Variants in PRKAR1B observed in about 807,000 individuals in gnomAD.
PRKAR1B encodes cAMP-dependent protein kinase type I-beta regulatory subunit.
In PRKAR1B, 22 loss-of-function variants were observed where a neutral mutation model predicts 46.5. That is an observed-to-expected ratio of 0.47 (90% CI 0.34 to 0.68). The LOEUF (loss-of-function observed/expected upper bound fraction) is 0.68. Ranked by LOEUF, PRKAR1B falls within the 30% of genes least tolerant of loss-of-function variation. The pLI is 0.01. For synonymous variants in PRKAR1B, 259 were observed against 217.7 expected, an observed-to-expected ratio of 1.19 and a Z score of -1.67; for missense variants, 445 against 535.6, an observed-to-expected ratio of 0.83 and a Z score of 1.67.
At chr7:703,442 C>T (rs1023464662) in intron 2 of PRKAR1B, among the ~76,000 whole-genome samples, 16 of 151,990 alleles carry the variant, frequency 1.1e-4, no homozygotes, top group African/African-American at 3.1e-4. Flanking sequence ...GTCAAGAGAT[C>T]GAGACCATCG....
At chr7:633,850 A>C (rs774429170) in intron 4 of PRKAR1B, among the ~76,000 whole-genome samples, 1 of 152,070 alleles carries the variant, frequency 6.6e-6, no homozygotes, top group African/African-American at 2.4e-5. Flanking sequence ...TAATCACGGG[A>C]AACAGGCAGA....
At chr7:654,603 T>A (rs1185378391) in intron 4 of PRKAR1B, among the ~76,000 whole-genome samples, 3 of 151,410 alleles carry the variant, frequency 2.0e-5, no homozygotes, top group Non-Finnish European at 4.4e-5. Flanking sequence ...ACCTTCACCA[T>A]CACCATCATC....
At chr7:613,970 C>A (rs1049119189) in intron 4 of PRKAR1B, among the ~76,000 whole-genome samples, 1 of 152,230 alleles carries the variant, frequency 6.6e-6, no homozygotes, top group Non-Finnish European at 1.5e-5. Flanking sequence ...TGCCACCAAG[C>A]GGGTGGGAGA....
intron 4 of PRKAR1B, among the ~76,000 whole-genome samples, chr7:669,379 T>C (rs1009499169): frequency 4.6e-5 from 7 of 152,236 alleles, no homozygotes; most frequent in Admixed American, 4.6e-4. Context: ...GGGGCTTCCA[T>C]TTGGAATGAT....
chr7:633,821 A>T (rs1197483866), intron 4 of PRKAR1B, among the ~76,000 whole-genome samples: 1 of 152,098 alleles, frequency 6.6e-6, no homozygotes, highest in South Asian at 2.1e-4. Flanking sequence ...CTTCCCAGCA[A>T]AAGTAAGGAG....
At chr7:552,405 C>T (rs13238357) in intron 9 of PRKAR1B, among the ~76,000 whole-genome samples, 16 of 123,442 alleles carry the variant, frequency 1.3e-4, no homozygotes, top group East Asian at 3.1e-4. Context: ...GCCACTGCCA[C>T]CACCACGTCA....
intron 2 of PRKAR1B, among the ~76,000 whole-genome samples, chr7:693,186 C>T (rs542621707): frequency 7.3e-5 from 11 of 151,224 alleles, no homozygotes; most frequent in East Asian, 1.9e-4. Context: ...CCTCCTGCCT[C>T]GGCCTCCCAA....
Position 550,015 on chromosome 7 carries a change from A to C in PRKAR1B, c.*415T>G. ...AGCCCCTTTTGACACACTTGCCCAC[A>C]CTCAGACCTCAATCTGGGGGACCTG... On this transcript the variant is annotated 3_prime_UTR_variant, in exon 11 of 11. Coordinates refer to ENST00000537384, the MANE Select transcript of PRKAR1B (RefSeq NM_001164760.2). The C allele has an allele frequency of 5.4e-6, 1 of 186,478 alleles. No individual in the cohort carries two copies. The highest frequency in any genetic ancestry group is 1.1e-5 in the Non-Finnish European group (1 of 89,452). The allele number at this position is 186,478 out of a possible 1,614,324, so 11.6% of individuals were successfully genotyped here.
At chr7:642,031 A>G (rs1267169799) in intron 4 of PRKAR1B, among the ~76,000 whole-genome samples, 2 of 151,894 alleles carry the variant, frequency 1.3e-5, no homozygotes, top group Non-Finnish European at 2.9e-5. Context: ...CTCCTCCCCA[A>G]GTGGCTGGGA....
intron 4 of PRKAR1B, among the ~76,000 whole-genome samples, chr7:646,556 G>T (rs1018472823): frequency 1.3e-5 from 2 of 152,216 alleles, no homozygotes; most frequent in Non-Finnish European, 2.9e-5. Flanking sequence ...AAAGAAGAGC[G>T]GAGCTCGTTT....
intron 4 of PRKAR1B, among the ~76,000 whole-genome samples, chr7:623,039 C>T (rs929272658): frequency 1.3e-5 from 2 of 152,182 alleles, no homozygotes; most frequent in Admixed American, 1.3e-4. Flanking sequence ...CATCACGGTC[C>T]TATCTCTTCT....
intron 4 of PRKAR1B, among the ~76,000 whole-genome samples, chr7:656,810 T>C (rs1193483083): frequency 7.2e-5 from 11 of 152,138 alleles, no homozygotes; most frequent in Admixed American, 6.5e-4. Flanking sequence ...AATGTGTGGA[T>C]AGATGAATGA....
intron 7 of PRKAR1B, among the ~76,000 whole-genome samples, chr7:594,717 CA>C (rs1230100237): frequency 1.3e-5 from 2 of 151,418 alleles, no homozygotes; most frequent in East Asian, 1.9e-4. Context: ...CCCCAGACCA[CA>C]AGGGAAATCC....
rs1370138912 is a variant in PRKAR1B at position 602,228 on chromosome 7, C to T, written c.549+3965G>A. ...AAACGGTCCCTGCTTTGAAGTGGCT[C>T]CGGCACCGGCCTCTCCCACCACCCT... On this transcript the variant is annotated intron_variant, in intron 6 of 10. Coordinates refer to ENST00000537384, the MANE Select transcript of PRKAR1B (RefSeq NM_001164760.2). This position sits in a 1 kb window ranked among gnomAD's most constrained non-coding sequence, Gnocchi z 6.4. Among the ~76,000 whole-genome samples the T allele has an allele frequency of 6.6e-6, 1 of 152,038 alleles. No individual in the cohort carries two copies. The highest frequency in any genetic ancestry group is 1.5e-5 in the Non-Finnish European group (1 of 67,996).
intron 9 of PRKAR1B, among the ~76,000 whole-genome samples, chr7:564,403 T>A (rs187222297): frequency 5.3e-5 from 8 of 152,298 alleles, no homozygotes; most frequent in Admixed American, 4.6e-4. Flanking sequence ...GGACTCTGTG[T>A]TCCCAGCAAT....
intron 2 of PRKAR1B, 21 bp from the exon 3 acceptor site, chr7:680,747 C>T (rs1778633043): frequency 6.2e-7 from 1 of 1,613,370 alleles, no homozygotes; most frequent in Admixed American, 1.7e-5. Context: ...GAGGAAAACA[C>T]AGAAAGGAAG....
intron 4 of PRKAR1B, among the ~76,000 whole-genome samples, chr7:672,565 G>A (rs1019612503): frequency 2.6e-5 from 4 of 151,698 alleles, no homozygotes; most frequent in African/African-American, 9.7e-5. Flanking sequence ...CTTCATTACT[G>A]TTGCTAGAAA....
At chr7:557,641 G>A (rs894379491) in intron 9 of PRKAR1B, among the ~76,000 whole-genome samples, 1 of 152,166 alleles carries the variant, frequency 6.6e-6, no homozygotes, top group African/African-American at 2.4e-5. Flanking sequence ...CACGACATGG[G>A]CGGCCGCCGC....
In PRKAR1B at chr7:555,886, G is replaced by C. The variant is rs147424346; in HGVS notation, c.892-4416C>G. ...TGCGAATTGGCAGACGGGAGCCCGG[G>C]AGGCAGACCCAGGCAGCGTGGGCTT... On this transcript the variant is annotated intron_variant, in intron 9 of 10. Transcript: ENST00000537384. Among the ~76,000 whole-genome samples, 842 of 152,300 alleles carry C rather than the reference G, an allele frequency of 5.5e-3. 7 individuals carry two copies. Among genetic ancestry groups the C allele is most frequent in the African/African-American group, 0.02 (812 of 41,572 alleles).
Sources: allele counts gnomAD v4.1 joint callset (sites outside exome capture counted in the v4.1 genomes callset), GRCh38; gene constraint gnomAD v4.1.1; non-coding constraint Gnocchi (gnomAD v3.1); transcripts MANE v1.5; gene names NCBI Gene and HGNC (gene_info 2026-07-23, HGNC 2026-07-21).